The following CALN1 variants were observed in gnomAD, a reference collection of about 807,000 sequenced individuals.
CALN1 encodes calcium-binding protein 8.
A neutral mutation model predicts 30.6 loss-of-function variants in CALN1; 17 were observed. The observed-to-expected ratio is 0.56, with a 90% confidence interval of 0.38 to 0.83. The LOEUF is 0.83. CALN1 is among the 40% of genes least tolerant of loss of function. The pLI, the probability that CALN1 is intolerant of heterozygous loss-of-function variation, is 0.00. For missense variants in CALN1, 291 were observed against 354.9 expected (o/e 0.82, Z 1.45); for synonymous variants, 156 against 131.4 (o/e 1.19, Z -1.28).
rs1786978515 is a variant in CALN1 at position 71,797,187 on chromosome 7, A to C, written c.659-9285T>G. Among the ~76,000 whole-genome samples, 3 of 152,166 alleles carry C rather than the reference A, an allele frequency of 2.0e-5. No individual in the cohort carries two copies. The South Asian group carries it at 6.2e-4, about 32-fold the overall frequency. Reference sequence around the variant, plus strand: ...CCGGCTTCCAAATGAGGCAAATCAGAGCCACGAAAATTCTGATTCCTTGCT... The same window carrying C: ...CCGGCTTCCAAATGAGGCAAATCAGCGCCACGAAAATTCTGATTCCTTGCT... On this transcript the variant is annotated intron_variant, in intron 6 of 6. Transcript: ENST00000395275.
chr7:72,051,060 G>GA (rs1461815642), intron 4 of CALN1, among the ~76,000 whole-genome samples: 88 of 150,548 alleles, frequency 5.8e-4, no homozygotes, highest in Non-Finnish European at 1.0e-3. Flanking sequence ...ATTTGGAAAG[G>GA]AAAAAATAAA....
the CALN1 span, among the ~76,000 whole-genome samples, chr7:72,496,819 C>T: frequency 6.6e-6 from 1 of 152,128 alleles, no homozygotes; most frequent in African/African-American, 2.4e-5. Flanking sequence ...GTTGAGGCTG[C>T]AGTGAGCTGT....
chr7:72,121,216 G>T (rs1388941159), intron 3 of CALN1, among the ~76,000 whole-genome samples: 1 of 138,118 alleles, frequency 7.2e-6, no homozygotes, highest in African/African-American at 2.7e-5. Flanking sequence ...TCCATATTAT[G>T]TATTATATAA....
chr7:72,420,654 C>T (rs965527016), intron 1 of CALN1, among the ~76,000 whole-genome samples: 2 of 145,186 alleles, frequency 1.4e-5, no homozygotes, highest in Admixed American at 7.0e-5. Context: ...GACGGAGCCT[C>T]GCTCTGTCGC....
chr7:72,064,109 A>G (rs1449817552), intron 4 of CALN1, among the ~76,000 whole-genome samples: 2 of 148,414 alleles, frequency 1.3e-5, no homozygotes, highest in Non-Finnish European at 2.9e-5. Context: ...CCCCGTCTCT[A>G]CGTCTCTACT....
intron 5 of CALN1, among the ~76,000 whole-genome samples, chr7:71,973,388 C>A (rs1367567273): frequency 6.6e-6 from 1 of 152,164 alleles, no homozygotes; most frequent in East Asian, 1.9e-4. Flanking sequence ...GTTGGCCAGG[C>A]TGGTCTCAAA....
intron 3 of CALN1, among the ~76,000 whole-genome samples, chr7:72,199,398 C>T (rs1174413897): frequency 6.6e-6 from 1 of 152,196 alleles, no homozygotes; most frequent in Non-Finnish European, 1.5e-5. Flanking sequence ...AGCCAATGGT[C>T]AAACAGCCTA....
At chr7:72,408,614 T>C (rs1358839943) in intron 1 of CALN1, among the ~76,000 whole-genome samples, 2 of 151,274 alleles carry the variant, frequency 1.3e-5, no homozygotes. Flanking sequence ...TTTTGTTACA[T>C]GCAAGGATTG....
At chr7:72,154,078 T>C (rs749212642) in intron 3 of CALN1, among the ~76,000 whole-genome samples, 1 of 152,036 alleles carries the variant, frequency 6.6e-6, no homozygotes, top group African/African-American at 2.4e-5. Context: ...TGCAATGGTG[T>C]TGGAAGCATC....
In CALN1 at chr7:71,787,421, T is replaced by G; in HGVS notation, c.*354A>C. On this transcript the variant is annotated 3_prime_UTR_variant, in exon 7 of 7. Transcript: ENST00000395275. ...GTGACTGTGTGTTCATGCCTCTCTCTTGCTCTCTCACCATTATACCTGGAT... is the reference window on the plus strand; with the variant it reads ...GTGACTGTGTGTTCATGCCTCTCTCGTGCTCTCTCACCATTATACCTGGAT... 11 of 228,506 alleles carry G rather than the reference T, an allele frequency of 4.8e-5. No individual in the cohort carries two copies. The highest frequency in any genetic ancestry group is 2.1e-4 in the South Asian group (3 of 14,222). The allele number at this position is 228,506 out of a possible 1,614,324, so 14.2% of individuals were successfully genotyped here. A position where few individuals can be genotyped will look rare whatever the true frequency, so the allele number is the denominator to read the frequency against.
At chr7:72,192,251 A>G (rs1248298659) in intron 3 of CALN1, among the ~76,000 whole-genome samples, 1 of 152,208 alleles carries the variant, frequency 6.6e-6, no homozygotes, top group Non-Finnish European at 1.5e-5. Context: ...TGAATACTGT[A>G]GGCAACTGTA....
chr7:72,053,676 A>G (rs1197432908), intron 4 of CALN1, among the ~76,000 whole-genome samples: 1 of 152,012 alleles, frequency 6.6e-6, no homozygotes, highest in Non-Finnish European at 1.5e-5. Context: ...TTACTGGGGT[A>G]CAGGTGGTAT....
chr7:72,315,425 C>T (rs568196838), intron 2 of CALN1, among the ~76,000 whole-genome samples: 9 of 152,164 alleles, frequency 5.9e-5, no homozygotes, highest in African/African-American at 1.9e-4. Context: ...CAAGCTAAAA[C>T]ACCAACACAA....
At chr7:72,285,324 A>C (rs984785145) in intron 2 of CALN1, among the ~76,000 whole-genome samples, 8 of 152,146 alleles carry the variant, frequency 5.3e-5, no homozygotes, top group African/African-American at 1.9e-4. Context: ...AGCCACTGCA[A>C]GCTCCGCCTC....
At chr7:72,327,977 G>C (rs1435887016) in intron 2 of CALN1, among the ~76,000 whole-genome samples, 2 of 152,114 alleles carry the variant, frequency 1.3e-5, no homozygotes, top group South Asian at 2.1e-4. Context: ...ACAAAATTTA[G>C]ATGTATGTAT....
At chr7:72,173,786 A>C (rs1194452485) in intron 3 of CALN1, among the ~76,000 whole-genome samples, 1 of 152,162 alleles carries the variant, frequency 6.6e-6, no homozygotes, top group African/African-American at 2.4e-5. Context: ...TGTAAAAATG[A>C]ACTCAAAATT....
At chr7:72,037,408 C>A (rs969679864) in intron 4 of CALN1, among the ~76,000 whole-genome samples, 1 of 152,186 alleles carries the variant, frequency 6.6e-6, no homozygotes, top group Non-Finnish European at 1.5e-5. Flanking sequence ...CCTCGGCCTC[C>A]CAAAGTGCTG....
intron 2 of CALN1, among the ~76,000 whole-genome samples, chr7:72,346,320 C>T (rs1802637711): frequency 6.6e-6 from 1 of 152,188 alleles, no homozygotes; most frequent in Middle Eastern, 3.4e-3. Flanking sequence ...TAGTCAGTTA[C>T]CTCTTTGGAT....
chr7:72,230,914 G>A (rs965374971), intron 3 of CALN1, among the ~76,000 whole-genome samples: 3 of 152,072 alleles, frequency 2.0e-5, no homozygotes, highest in Non-Finnish European at 4.4e-5. Context: ...AATATCAGAT[G>A]GAAAATTCCA....
Sources: allele counts gnomAD v4.1 joint callset (sites outside exome capture counted in the v4.1 genomes callset), GRCh38; gene constraint gnomAD v4.1.1; transcripts MANE v1.5; gene names NCBI Gene and HGNC (gene_info 2026-07-23, HGNC 2026-07-21).